CHN1: variants seen among roughly 807,000 people sequenced by gnomAD.
CHN1 encodes the protein chimerin 1.
Under a neutral mutation model 59.5 loss-of-function variants are expected in CHN1, and 37 were observed. The observed-to-expected ratio is 0.62, with a 90% CI of 0.48 to 0.82. CHN1 has a LOEUF of 0.82. Ranked by LOEUF, CHN1 falls within the 40% of genes least tolerant of loss-of-function variation. CHN1 has a pLI of 0.00. For missense variants in CHN1, 469 were observed against 571.0 expected, an observed-to-expected ratio of 0.82 and a Z score of 1.82; for synonymous variants, 206 against 200.4, an observed-to-expected ratio of 1.03 and a Z score of -0.24.
In CHN1 at chr2:174,811,588, C is replaced by T. The variant is rs774896446; in HGVS notation, c.887G>A (p.Gly296Asp). ...TCGGTATAGTCCTTCAGAATTAAGA[C>T]CTGAAAAATAAAACTAGTTAGTTTC... is the stretch of plus-strand genomic sequence containing the variant. ...DMCIREIESR[G>D]LNSEGLYRVS... Residue 296 changes from glycine (G) to aspartate (D), a missense_variant and splice_region_variant, in exon 10 of 13, where the codon GGT becomes GAT. Gly to Asp is a moderately conservative substitution (Grantham distance 94). Transcript: ENST00000409900. 3 of 1,592,268 alleles carry T rather than the reference C, an allele frequency of 1.9e-6. No homozygotes were observed. In the South Asian group the frequency reaches 3.5e-5, roughly 18 times the overall value.
rs544912352 is a variant in CHN1 at position 174,800,401 on chromosome 2, T to C, written c.1209-114A>G. 2.0e-4 allele frequency: 141 copies of C among 688,576 alleles called. No individual in the cohort carries two copies. The South Asian group carries it at 5.0e-3, about 24-fold the overall frequency. The allele number at this position is 688,576 out of a possible 1,614,324, so 42.7% of individuals were successfully genotyped here. A position where few individuals can be genotyped will look rare whatever the true frequency, so the allele number is the denominator to read the frequency against. ...TAAAAGTTTGCGTCCGCTTATCAACTCTTCCACTAGGTTATTTCTCTGTAA... is the reference window on the plus strand; with the variant it reads ...TAAAAGTTTGCGTCCGCTTATCAACCCTTCCACTAGGTTATTTCTCTGTAA... On this transcript the variant is annotated intron_variant, in intron 12 of 12. Coordinates refer to ENST00000409900, the MANE Select transcript of CHN1 (RefSeq NM_001822.7).
In CHN1 at chr2:174,812,358, A is replaced by G; in HGVS notation, c.837T>C (p.Thr279=). 6.2e-7 allele frequency: 1 copy of G among 1,613,964 alleles called. No homozygotes were observed. The highest frequency in any genetic ancestry group is 8.5e-7 in the Non-Finnish European group (1 of 1,179,862). ...DLTTLVKAHT[T]KRPMVVDMCI... ...ACATGTCTACCACCATTGGCCGCTT[A>G]GTGGTATGTGCTTTCACGAGCGTCG... is the stretch of plus-strand genomic sequence containing the variant. Residue 279 remains threonine (T), a synonymous_variant, in exon 9 of 13, where the codon ACT becomes ACC. Transcript: ENST00000409900.
intron 7 of CHN1, among the ~76,000 whole-genome samples, chr2:174,828,532 T>C (rs1449309393): frequency 6.6e-6 from 1 of 152,212 alleles, no homozygotes; most frequent in Non-Finnish European, 1.5e-5. Context: ...TGCTGCTCCA[T>C]CTAGCACAAT....
chr2:174,922,688 T>C (rs1241502395), intron 3 of CHN1, among the ~76,000 whole-genome samples: 2 of 152,112 alleles, frequency 1.3e-5, no homozygotes, highest in Non-Finnish European at 2.9e-5. Context: ...TAAGACCCTG[T>C]CATTCATTTA....
At chr2:174,952,639 C>T (rs769452000) in intron 1 of CHN1, among the ~76,000 whole-genome samples, 5 of 152,108 alleles carry the variant, frequency 3.3e-5, no homozygotes, top group Non-Finnish European at 7.4e-5. Flanking sequence ...TATTTTCCCC[C>T]GTTACATTTG....
chr2:174,865,554 G>A (rs1687191723), intron 6 of CHN1, among the ~76,000 whole-genome samples: 1 of 152,108 alleles, frequency 6.6e-6, no homozygotes, highest in South Asian at 2.1e-4. Flanking sequence ...GAGATAACCT[G>A]GTGAAGTACT....
chr2:174,992,910 C>A (rs1691588230), intron 1 of CHN1, among the ~76,000 whole-genome samples: 2 of 152,142 alleles, frequency 1.3e-5, no homozygotes, highest in Non-Finnish European at 2.9e-5. Flanking sequence ...CAGGCTCAGC[C>A]TCCCCAAATA....
At chr2:174,831,463 A>C (rs1362561708) in intron 7 of CHN1, among the ~76,000 whole-genome samples, 1 of 152,160 alleles carries the variant, frequency 6.6e-6, no homozygotes, top group Non-Finnish European at 1.5e-5. Flanking sequence ...GGCCCCTTAC[A>C]CAGAACCATC....
chr2:174,902,082 T>C (rs931537477), intron 5 of CHN1, among the ~76,000 whole-genome samples: 1 of 152,194 alleles, frequency 6.6e-6, no homozygotes, highest in African/African-American at 2.4e-5. Context: ...TGATTATTTC[T>C]GGATAGTAGA....
At chr2:174,866,209 A>G (rs1687211091) in intron 6 of CHN1, among the ~76,000 whole-genome samples, 1 of 152,218 alleles carries the variant, frequency 6.6e-6, no homozygotes, top group African/African-American at 2.4e-5. Flanking sequence ...AAAAAGAACC[A>G]GATACTGTGG....
chr2:174,990,972 T>TGA (rs1691528704), intron 1 of CHN1, among the ~76,000 whole-genome samples: 2 of 152,206 alleles, frequency 1.3e-5, no homozygotes, highest in Non-Finnish European at 2.9e-5. Context: ...TCAAAACATT[T>TGA]TTTTCAGAAT....
chr2:174,917,961 T>C (rs952769707), intron 4 of CHN1, among the ~76,000 whole-genome samples: 7 of 152,130 alleles, frequency 4.6e-5, no homozygotes, highest in Non-Finnish European at 7.4e-5. Context: ...AAAATGCTCA[T>C]TGTCAATTTT....
At chr2:174,995,026 C>T (rs981789775) in intron 1 of CHN1, among the ~76,000 whole-genome samples, 5 of 152,082 alleles carry the variant, frequency 3.3e-5, no homozygotes, top group Non-Finnish European at 7.4e-5. Flanking sequence ...GAAGAAAAAA[C>T]ATAAAAGTAA....
Position 174,812,353 on chromosome 2 carries a change from C to T in CHN1, c.842G>A (p.Arg281Gln), listed in dbSNP as rs1386602751. ...GATGCACATGTCTACCACCATTGGC[C>T]GCTTAGTGGTATGTGCTTTCACGAG... is the stretch of plus-strand genomic sequence containing the variant. ...TTLVKAHTTKRPMVVDMCIRE... is the reference protein window; with the variant it reads ...TTLVKAHTTKQPMVVDMCIRE... The change falls in exon 9 of 13, where the codon CGG becomes CAG. Residue 281 changes from arginine (R) to glutamine (Q), a missense_variant. Physicochemically the swap from Arg to Gln is conservative, Grantham distance 43 (BLOSUM62 1). Transcript: ENST00000409900. 6 of 1,613,856 alleles carry T rather than the reference C, an allele frequency of 3.7e-6. No individual in the cohort carries two copies. Among genetic ancestry groups the T allele is most frequent in the Admixed American group, 1.7e-5 (1 of 60,010 alleles).
In CHN1 at chr2:174,950,714, T is replaced by C. The variant is rs1176431000; in HGVS notation, c.58+1450A>G. On this transcript the variant is annotated intron_variant, in intron 2 of 12. Transcript: ENST00000409900. ...TTCATAAATGTTCTTACATTAAAAA[T>C]GTGCAGGGTGCAAGTCAGAGTCAGG... 3.3e-5 allele frequency among the ~76,000 whole-genome samples: 5 copies of C among 151,750 alleles called. No individual in the cohort carries two copies. In the East Asian group the frequency reaches 9.7e-4, roughly 29 times the overall value.
intron 5 of CHN1, among the ~76,000 whole-genome samples, chr2:174,882,191 A>C (rs1687758135): frequency 6.6e-6 from 1 of 152,202 alleles, no homozygotes; most frequent in Non-Finnish European, 1.5e-5. Context: ...TTTTCTCCAG[A>C]GTGTTACTAT....
At chr2:174,840,161 CT>C (rs71407154) in intron 7 of CHN1, among the ~76,000 whole-genome samples, 1,803 of 67,432 alleles carry the variant, frequency 0.027, 16 homozygotes, top group African/African-American at 0.086. Flanking sequence ...TAAAACCATT[CT>C]TTTTTTTTTT....
intron 1 of CHN1, among the ~76,000 whole-genome samples, chr2:174,966,112 A>T (rs180987947): frequency 6.6e-6 from 1 of 152,354 alleles, no homozygotes; most frequent in East Asian, 1.9e-4. Context: ...ATGTGGAAAG[A>T]AGGCATTACA....
intron 5 of CHN1, among the ~76,000 whole-genome samples, chr2:174,906,931 A>G (rs949480953): frequency 2.0e-5 from 3 of 152,180 alleles, no homozygotes; most frequent in African/African-American, 7.2e-5. Context: ...TGGGGAGTGC[A>G]TGTTTATCTG....
Sources: gnomAD v4.1 joint callset for allele counts (sites outside exome capture counted in the v4.1 genomes callset) on GRCh38, gnomAD v4.1.1 for gene constraint, MANE v1.5 for transcripts, NCBI Gene and HGNC (gene_info 2026-07-23, HGNC 2026-07-21) for gene names.